Variants in RAD54L2 observed in about 807,000 individuals in gnomAD.
RAD54L2 encodes the protein RAD54 like 2, also known as helicase ARIP4.
RAD54L2 carries 27 observed loss-of-function variants against 138.4 expected under a neutral mutation model. The ratio of observed to expected loss-of-function variants is 0.20; its 90% CI spans 0.14 to 0.27. RAD54L2 has a LOEUF of 0.27. Ranked by LOEUF, RAD54L2 falls within the 10% of genes least tolerant of loss-of-function variation. The probability of loss-of-function intolerance (pLI) is 1.00; values close to 1 mark genes in which losing one functional copy is unlikely to be tolerated. For missense variants in RAD54L2, 1,396 were observed against 1,890.2 expected, an observed-to-expected ratio of 0.74 and a Z score of 4.85; for synonymous variants, 644 against 723.2, an observed-to-expected ratio of 0.89 and a Z score of 1.76.
At chr3:51,661,574 C>T (rs1228814459) in intron 22 of RAD54L2, among the ~76,000 whole-genome samples, 1 of 152,224 alleles carries the variant, frequency 6.6e-6, no homozygotes. Context: ...AGAACTCTTG[C>T]CAAGTTCCCC....
At chr3:51,579,738 A>T (rs1043587025) in intron 2 of RAD54L2, among the ~76,000 whole-genome samples, 1 of 152,220 alleles carries the variant, frequency 6.6e-6, no homozygotes, top group Non-Finnish European at 1.5e-5. Context: ...GCTATATCAC[A>T]GGCAAACAAA....
intron 3 of RAD54L2, among the ~76,000 whole-genome samples, chr3:51,623,448 GA>G (rs1700608118): frequency 6.6e-6 from 1 of 152,298 alleles, no homozygotes; most frequent in African/African-American, 2.4e-5. Context: ...ATAAGGGTTT[GA>G]AGAATAGTAT....
At position 51,655,953 on chromosome 3, in the gene RAD54L2, C is replaced by G. The variant is rs1701587867; in HGVS notation, c.3027-18C>G. ...TGTTCTGCCAAACTCTTTTAGTGTC[C>G]TTGTCTTTCTCTTACAGGCAGCCAA... On this transcript the variant is annotated intron_variant, in intron 19 of 22. Coordinates refer to ENST00000684192, the MANE Select transcript of RAD54L2 (RefSeq NM_015106.4). The G allele has an allele frequency of 6.3e-7, 1 of 1,586,466 alleles. No homozygotes were observed. The highest frequency in any genetic ancestry group is 1.7e-5 in the Admixed American group (1 of 57,802).
intron 3 of RAD54L2, among the ~76,000 whole-genome samples, chr3:51,618,648 C>T (rs1700500904): frequency 6.6e-6 from 1 of 152,202 alleles, no homozygotes; most frequent in South Asian, 2.1e-4. Flanking sequence ...TGGAGAGCCA[C>T]ATCCATATGT....
chr3:51,621,174 A>G (rs944145154), intron 3 of RAD54L2, among the ~76,000 whole-genome samples: 1 of 152,234 alleles, frequency 6.6e-6, no homozygotes, highest in Non-Finnish European at 1.5e-5. Context: ...AACAGCAAAA[A>G]TGAAGCACTT....
In RAD54L2 at chr3:51,662,334, C is replaced by T. The variant is rs535713507; in HGVS notation, c.3410-92C>T. ...CAAACTATTAGAATTTTGGGGACTA[C>T]AGGACAGGATTTTTTTTAATGGAGT... On this transcript the variant is annotated intron_variant, in intron 22 of 22. Transcript: ENST00000684192. The surrounding 1 kb of genome is among the most constrained non-coding windows in gnomAD (Gnocchi z 4.6). The T allele has an allele frequency of 3.5e-4, 446 of 1,266,006 alleles. 3 individuals carry two copies. The South Asian group carries it at 7.5e-3, about 21-fold the overall frequency. The allele number at this position is 1,266,006 out of a possible 1,614,324, so 78.4% of individuals were successfully genotyped here.
chr3:51,597,320 T>TTA (rs1252916987), intron 3 of RAD54L2, among the ~76,000 whole-genome samples: 4 of 152,222 alleles, frequency 2.6e-5, no homozygotes, highest in Admixed American at 6.6e-5. Flanking sequence ...TTTCCAAACT[T>TTA]AGTTCCTCCA....
At chr3:51,656,858 C>T (rs752539328) in intron 20 of RAD54L2, among the ~76,000 whole-genome samples, 15 of 151,988 alleles carry the variant, frequency 9.9e-5, no homozygotes, top group Non-Finnish European at 2.2e-4. Flanking sequence ...GCCTCAGCCT[C>T]CCGAGTTGCT....
chr3:51,566,344 T>C (rs1349886412), intron 2 of RAD54L2, among the ~76,000 whole-genome samples: 2 of 152,136 alleles, frequency 1.3e-5, no homozygotes, highest in Non-Finnish European at 2.9e-5. Flanking sequence ...CCAGTCATAC[T>C]GTGTGGGGCT....
intron 15 of RAD54L2, among the ~76,000 whole-genome samples, chr3:51,643,058 C>T (rs1449865492): frequency 5.2e-5 from 6 of 114,352 alleles, no homozygotes; most frequent in Admixed American, 1.1e-4. Flanking sequence ...TTTTTTGAGA[C>T]GAAGTCTTAC....
rs764773361 is a variant in RAD54L2, at chr3:51,645,785, A to C, written c.2829+22A>C. The C allele has an allele frequency of 6.3e-7, 1 of 1,592,282 alleles. No individual in the cohort carries two copies. The highest frequency in any genetic ancestry group is 1.3e-5 in the African/African-American group (1 of 74,188). On this transcript the variant is annotated intron_variant, in intron 18 of 22. Transcript: ENST00000684192. This position sits in a 1 kb window ranked among gnomAD's most constrained non-coding sequence, Gnocchi z 6.1. Reference sequence around the variant, plus strand: ...CAAGGTAAGAACTTGGTATGCATGCAATCCCCAGAGTGGCAGTCTCTCTGT... The same window carrying C: ...CAAGGTAAGAACTTGGTATGCATGCCATCCCCAGAGTGGCAGTCTCTCTGT...
chr3:51,543,801 C>T (rs1698619465), intron 2 of RAD54L2, among the ~76,000 whole-genome samples: 1 of 152,022 alleles, frequency 6.6e-6, no homozygotes, highest in South Asian at 2.1e-4. Flanking sequence ...TTGAAGGTCC[C>T]AGCATTCTTA....
At chr3:51,630,489 A>T in intron 6 of RAD54L2, 101 bp downstream of exon 6, 1 of 1,200,552 alleles carries the variant, frequency 8.3e-7, no homozygotes, top group Non-Finnish European at 1.2e-6. Context: ...TCAATTTGGG[A>T]TGTGGCTTTG....
At chr3:51,661,238 A>C (rs1424021547) in intron 22 of RAD54L2, among the ~76,000 whole-genome samples, 10 of 152,238 alleles carry the variant, frequency 6.6e-5, no homozygotes, top group African/African-American at 2.4e-4. Context: ...CTGGTATTAC[A>C]GGTGTGAGCC....
rs1166632375 is a variant in RAD54L2, at chr3:51,590,401, A to G, written c.-20A>G. 8.6e-6 allele frequency: 13 copies of G among 1,512,648 alleles called. No homozygotes were observed. The highest frequency in any genetic ancestry group is 2.1e-5 in the Admixed American group (1 of 46,970). 93.7% of individuals were successfully genotyped at this position (1,512,648 alleles called of 1,614,324 possible). Reference sequence around the variant, plus strand: ...AGTGGACCATGAGTCGGTAATGCCCACTGAGGACCTCTGGGAGCCATGTCA... The same window carrying G: ...AGTGGACCATGAGTCGGTAATGCCCGCTGAGGACCTCTGGGAGCCATGTCA... On this transcript the variant is annotated 5_prime_UTR_variant, in exon 3 of 23. Coordinates refer to ENST00000684192, the MANE Select transcript of RAD54L2 (RefSeq NM_015106.4).
intron 2 of RAD54L2, among the ~76,000 whole-genome samples, chr3:51,575,968 G>T (rs1462835190): frequency 6.6e-6 from 1 of 152,186 alleles, no homozygotes; most frequent in South Asian, 2.1e-4. Flanking sequence ...CATTCAGTAT[G>T]ATATTGGCTG....
chr3:51,640,246 G>T (rs981548837), intron 14 of RAD54L2, among the ~76,000 whole-genome samples: 1 of 152,000 alleles, frequency 6.6e-6, no homozygotes, highest in African/African-American at 2.4e-5. Flanking sequence ...TTTACTTTGA[G>T]AGCTAAGGAT....
chr3:51,548,524 C>A (rs549445617), intron 2 of RAD54L2, among the ~76,000 whole-genome samples: 54 of 152,242 alleles, frequency 3.5e-4, no homozygotes, highest in South Asian at 2.5e-3. Flanking sequence ...ATCCTCCCAA[C>A]AACCCTGTGA....
intron 10 of RAD54L2, 66 bp downstream of exon 10, chr3:51,635,855 T>A: frequency 7.0e-7 from 1 of 1,430,916 alleles, no homozygotes; most frequent in Non-Finnish European, 9.4e-7. Context: ...TGTCTACTAA[T>A]AGCACCTAGT....
Sources: gnomAD v4.1 joint callset for allele counts (sites outside exome capture counted in the v4.1 genomes callset) on GRCh38, gnomAD v4.1.1 for gene constraint, Gnocchi (gnomAD v3.1) non-coding constraint, MANE v1.5 for transcripts, NCBI Gene and HGNC (gene_info 2026-07-23, HGNC 2026-07-21) for gene names.